UFL1: variants seen among roughly 807,000 people sequenced by gnomAD.
UFL1 encodes the protein E3 UFM1-protein ligase 1.
In UFL1, 78 loss-of-function variants were observed where a neutral mutation model predicts 99.3. That is an observed-to-expected ratio of 0.79 (90% CI 0.65 to 0.95). The LOEUF (loss-of-function observed/expected upper bound fraction) is 0.95. Ranked by LOEUF, UFL1 falls within the 40% of genes least tolerant of loss-of-function variation. The pLI is 0.00. For synonymous variants in UFL1, 335 were observed against 322.2 expected (o/e 1.04, Z -0.42); for missense variants, 936 against 937.0 (o/e 1.00, Z 0.01).
chr6:96,533,862 T>TCTTC (rs1769817645), intron 6 of UFL1, among the ~76,000 whole-genome samples: 1 of 150,882 alleles, frequency 6.6e-6, no homozygotes, highest in South Asian at 2.1e-4. Context: ...TAGCCTCATG[T>TCTTC]CATTCCAAAC....
intron 5 of UFL1, among the ~76,000 whole-genome samples, chr6:96,527,188 G>A (rs1012208001): frequency 3.9e-5 from 6 of 152,026 alleles, no homozygotes; most frequent in African/African-American, 1.4e-4. Context: ...GAGTGGAAAG[G>A]ACATAAGCTT....
chr6:96,524,302 CTTAAATGT>C, intron 2 of UFL1, 72 bp from the exon 3 acceptor site: 1 of 1,380,162 alleles, frequency 7.2e-7, no homozygotes. Flanking sequence ...TTGACCAAAA[CTTAAATGT>C]TAGAATTTAT....
intron 3 of UFL1, among the ~76,000 whole-genome samples, 166 bp downstream of exon 3, chr6:96,524,576 A>C (rs1769673347): frequency 6.6e-6 from 1 of 152,196 alleles, no homozygotes; most frequent in African/African-American, 2.4e-5. Flanking sequence ...AAGTTCTGAT[A>C]CATTAAAATG....
chr6:96,549,754 G>A lies in UFL1; in HGVS notation c.1773G>A (p.Ser591=), dbSNP rs754182562. 1.6e-5 allele frequency: 25 copies of A among 1,611,864 alleles called. No homozygotes were observed. Among genetic ancestry groups the A allele is most frequent in the African/African-American group, 5.4e-5 (4 of 74,702 alleles). ...ITNLIFNFLA[S]DLMMAVDDPA... ...ACCTCATTTTCAACTTCTTAGCTTC[G>A]GATTTAATGATGGCAGTAGACGATC... The change falls in exon 15 of 19, where the codon TCG becomes TCA. Residue 591 remains serine, a synonymous_variant. Coordinates refer to ENST00000369278, the MANE Select transcript of UFL1 (RefSeq NM_015323.5).
Position 96,551,844 on chromosome 6 carries a change from GA to G in UFL1, c.1908del (p.Asp637ThrfsTer17). The G allele has an allele frequency of 6.2e-7, 1 of 1,602,470 alleles. No individual in the cohort carries two copies. The highest frequency in any genetic ancestry group is 1.1e-5 in the South Asian group (1 of 89,428). ...GTATTCAATGCCTTTTCAGAGCATAGAAGACTTTATTTCTTGTCTGGATTCT... is the reference window on the plus strand; with the variant it reads ...GTATTCAATGCCTTTTCAGAGCATAGAGACTTTATTTCTTGTCTGGATTCT... Reference protein sequence around the residue: ...LHNSLNEKSIEDFISCLDSAA... With the variant: ...LHNSLNEKSIXDFISCLDSAA... On this transcript the variant is annotated frameshift_variant, in exon 17 of 19. Coordinates refer to ENST00000369278, the MANE Select transcript of UFL1 (RefSeq NM_015323.5). LOFTEE classifies it high-confidence loss of function.
Position 96,523,203 on chromosome 6 carries a change from A to G in UFL1, c.135A>G (p.Leu45=), listed in dbSNP as rs1769647243. The change falls in exon 2 of 19, where the codon CTA becomes CTG. Residue 45 remains leucine, a synonymous_variant. Coordinates refer to ENST00000369278, the MANE Select transcript of UFL1 (RefSeq NM_015323.5). ...ATAAATTGATTGCTCAGAAACAGCTAGAAGTAGTTCATACACTCGATGGAA... is the reference window on the plus strand; with the variant it reads ...ATAAATTGATTGCTCAGAAACAGCTGGAAGTAGTTCATACACTCGATGGAA... The part of the protein sequence containing the change: ...IVNKLIAQKQ[L]EVVHTLDGKE... 1.2e-6 allele frequency: 2 copies of G among 1,613,556 alleles called. No homozygotes were observed. Among genetic ancestry groups the G allele is most frequent in the Non-Finnish European group, 1.7e-6 (2 of 1,179,778 alleles).
intron 11 of UFL1, among the ~76,000 whole-genome samples, chr6:96,541,802 T>C (rs1769935308): frequency 6.6e-6 from 1 of 151,334 alleles, no homozygotes; most frequent in African/African-American, 2.4e-5. Context: ...TATTGTATTA[T>C]AATTGTTTAA....
Position 96,530,200 on chromosome 6 carries a change from A to G in UFL1, c.596+1568A>G, listed in dbSNP as rs930036029. On this transcript the variant is annotated intron_variant, in intron 6 of 18. Coordinates refer to ENST00000369278, the MANE Select transcript of UFL1 (RefSeq NM_015323.5). ...CTTACTTGATTTTTCCTTGACATTC[A>G]TGACCTTGACACTTTTGAAGATCAC... 2.4e-4 allele frequency among the ~76,000 whole-genome samples: 36 copies of G among 152,214 alleles called. 1 individual carries two copies. Among genetic ancestry groups the G allele is most frequent in the Non-Finnish European group, 8.8e-5 (6 of 68,032 alleles).
At chr6:96,524,221 G>A (rs1025234804) in intron 2 of UFL1, among the ~76,000 whole-genome samples, 161 bp from the exon 3 acceptor site, 5 of 151,696 alleles carry the variant, frequency 3.3e-5, no homozygotes, top group Admixed American at 6.6e-5. Context: ...CAGCCATGAA[G>A]ACTTAGCCAT....
intron 15 of UFL1, among the ~76,000 whole-genome samples, chr6:96,550,348 C>T (rs964765876): frequency 1.3e-5 from 2 of 151,862 alleles, no homozygotes; most frequent in East Asian, 1.9e-4. Flanking sequence ...TTCTCTACCT[C>T]CTCTTCCTCC....
In UFL1 at chr6:96,540,590, C is replaced by A; in HGVS notation, c.1214C>A (p.Ser405Tyr). 1 of 1,607,118 alleles carries A rather than the reference C, an allele frequency of 6.2e-7. No homozygotes were observed. The highest frequency in any genetic ancestry group is 8.5e-7 in the Non-Finnish European group (1 of 1,176,412). ...LITEEDLKQISTLESVSTSKK... is the reference protein window; with the variant it reads ...LITEEDLKQIYTLESVSTSKK... The stretch of plus-strand genomic sequence containing the variant: ...ACTGAAGAAGATCTGAAACAAATCT[C>A]CACTTTAGAAAGCGTTAGTACAAGT... Residue 405 changes from serine (S) to tyrosine (Y), a missense_variant, in exon 11 of 19, where the codon TCC (serine) becomes TAC (tyrosine). Transcript: ENST00000369278.
At chr6:96,522,044 G>T (rs1165245558) in intron 1 of UFL1, 94 bp downstream of exon 1, 22 of 1,346,156 alleles carry the variant, frequency 1.6e-5, no homozygotes, top group Non-Finnish European at 2.2e-5. Flanking sequence ...CCTGCATCCC[G>T]GGTCTTCTCG....
At chr6:96,522,050 TC>T in intron 1 of UFL1, 100 bp downstream of exon 1, 3 of 1,288,164 alleles carry the variant, frequency 2.3e-6, no homozygotes, top group Non-Finnish European at 1.1e-6. Flanking sequence ...TCCCGGGTCT[TC>T]TCGCTGCTTG....
chr6:96,536,841 A>G (rs1489303201), intron 8 of UFL1, among the ~76,000 whole-genome samples: 1 of 151,738 alleles, frequency 6.6e-6, no homozygotes, highest in East Asian at 1.9e-4. Context: ...TTTGTTGACT[A>G]TCAGATTTAC....
chr6:96,554,979 A>C lies in UFL1; in HGVS notation c.*1476A>C, dbSNP rs879420932. 6.6e-5 allele frequency: 10 copies of C among 152,614 alleles called. No homozygotes were observed. Among genetic ancestry groups the C allele is most frequent in the Admixed American group, 1.3e-4 (2 of 15,274 alleles). 9.5% of individuals were successfully genotyped at this position (152,614 alleles called of 1,614,324 possible). On this transcript the variant is annotated 3_prime_UTR_variant, in exon 19 of 19. Coordinates refer to ENST00000369278, the MANE Select transcript of UFL1 (RefSeq NM_015323.5). ...AACCTTATCATTTATGTTTCAGTAG[A>C]TATCAAAGTAATCCATGTTTGTGTC...
In UFL1 at chr6:96,532,482, T is replaced by C. The variant is rs1769795707; in HGVS notation, c.597-1781T>C. On this transcript the variant is annotated intron_variant, in intron 6 of 18. Transcript: ENST00000369278. ...TGTGGCAGTATTGGGAAGTAGGGCC[T>C]AGTAAGTGTTTGGGTCACAGGAGTG... Among the ~76,000 whole-genome samples the C allele has an allele frequency of 3.3e-5, 5 of 152,314 alleles. No individual in the cohort carries two copies. In the South Asian group the frequency reaches 1.0e-3, roughly 32 times the overall value.
rs549067626 is a variant in UFL1, at chr6:96,524,294, G to C, written c.224-88G>C. On this transcript the variant is annotated intron_variant, in intron 2 of 18. Transcript: ENST00000369278. ...GGCTCTCTGTTCTATGCAGGACTTT[G>C]ACCAAAACTTAAATGTTAGAATTTA... 7.8e-6 allele frequency: 10 copies of C among 1,280,346 alleles called. No homozygotes were observed. The South Asian group carries it at 1.3e-4, about 16-fold the overall frequency. 79.3% of individuals were successfully genotyped at this position (1,280,346 alleles called of 1,614,324 possible).
intron 1 of UFL1, among the ~76,000 whole-genome samples, chr6:96,522,598 C>T (rs999138064): frequency 6.6e-6 from 1 of 152,036 alleles, no homozygotes; most frequent in Admixed American, 6.5e-5. Flanking sequence ...CCTTTTGAGC[C>T]GGAAGACAGC....
chr6:96,531,648 CTT>C (rs1769784249), intron 6 of UFL1, among the ~76,000 whole-genome samples: 1 of 152,148 alleles, frequency 6.6e-6, no homozygotes, highest in South Asian at 2.1e-4. Flanking sequence ...AGTTTTGTAA[CTT>C]TTTTGTACCC....
Sources: gnomAD v4.1 joint callset for allele counts (sites outside exome capture counted in the v4.1 genomes callset) on GRCh38, gnomAD v4.1.1 for gene constraint, MANE v1.5 for transcripts, NCBI Gene and HGNC (gene_info 2026-07-23, HGNC 2026-07-21) for gene names.